Variants in ZMAT4 observed in about 807,000 individuals in gnomAD.
The protein encoded by ZMAT4 is zinc finger matrin-type 4.
In ZMAT4, 17 loss-of-function variants were observed where a neutral mutation model predicts 28.7. That is an observed-to-expected ratio of 0.59 (90% CI 0.41 to 0.89). ZMAT4 has a LOEUF of 0.89. ZMAT4 is among the 40% of genes least tolerant of loss of function. The pLI, the probability that ZMAT4 is intolerant of heterozygous loss-of-function variation, is 0.00. For synonymous variants in ZMAT4, 117 were observed against 109.2 expected (o/e 1.07, Z -0.44); for missense variants, 240 against 283.8 (o/e 0.85, Z 1.11).
intron 3 of ZMAT4, among the ~76,000 whole-genome samples, chr8:40,765,159 C>T (rs550269491): frequency 8.0e-4 from 122 of 152,216 alleles, no homozygotes; most frequent in African/African-American, 2.7e-3. Flanking sequence ...TCCCTGGCCC[C>T]GGACCCAGCA....
chr8:40,781,717 C>T (rs1314870098), intron 2 of ZMAT4, among the ~76,000 whole-genome samples: 1 of 138,782 alleles, frequency 7.2e-6, no homozygotes, highest in African/African-American at 2.6e-5. Flanking sequence ...AGCCGAGATC[C>T]CGCCACTGCA....
intron 1 of ZMAT4, among the ~76,000 whole-genome samples, chr8:40,864,487 A>AGCTGC (rs1442270964): frequency 6.6e-6 from 1 of 152,204 alleles, no homozygotes; most frequent in African/African-American, 2.4e-5. Context: ...GTAGGTGGGA[A>AGCTGC]AAGATGATTC....
chr8:40,617,133 TA>T (rs2118678745), intron 5 of ZMAT4, among the ~76,000 whole-genome samples: 1 of 152,204 alleles, frequency 6.6e-6, no homozygotes, highest in Admixed American at 6.5e-5. Context: ...ACAAGGGTCT[TA>T]AAGTAAAGTA....
chr8:40,813,147 A>C (rs1205483630), intron 2 of ZMAT4, among the ~76,000 whole-genome samples: 1 of 152,006 alleles, frequency 6.6e-6, no homozygotes, highest in Non-Finnish European at 1.5e-5. Context: ...CCTTCTTGTA[A>C]ATCTAAAACT....
chr8:40,577,776 G>T (rs918048298), intron 6 of ZMAT4, among the ~76,000 whole-genome samples: 5 of 151,604 alleles, frequency 3.3e-5, no homozygotes, highest in Admixed American at 2.0e-4. Flanking sequence ...AACAATAATA[G>T]ATTTTAATTA....
At chr8:40,541,571 C>A (rs951036613) in intron 6 of ZMAT4, among the ~76,000 whole-genome samples, 31 of 152,302 alleles carry the variant, frequency 2.0e-4, no homozygotes, top group Non-Finnish European at 4.4e-4. Context: ...TGGCCAGTGG[C>A]TACTGTGTTA....
At chr8:40,669,951 C>A (rs1446244976) in intron 5 of ZMAT4, among the ~76,000 whole-genome samples, 1 of 152,074 alleles carries the variant, frequency 6.6e-6, no homozygotes, top group Non-Finnish European at 1.5e-5. Context: ...TTGGAAGACT[C>A]GATACTTTGA....
In ZMAT4 at chr8:40,535,827, A is replaced by ACCCCTGTTTTT. The variant is rs1375753892; in HGVS notation, c.675-3590_675-3589insAAAAACAGGGG. 1.1e-4 allele frequency among the ~76,000 whole-genome samples: 16 copies of ACCCCTGTTTTT among 152,316 alleles called. No homozygotes were observed. In the East Asian group the frequency reaches 3.1e-3, roughly 29 times the overall value. ...TCCCACACTGAATGTAAACTGTTCA[A>ACCCCTGTTTTT]TAAGCCAGTGAAAAAACAGAGCAGA... On this transcript the variant is annotated intron_variant, in intron 6 of 6. Coordinates refer to ENST00000297737, the MANE Select transcript of ZMAT4 (RefSeq NM_024645.3).
At chr8:40,767,568 A>G (rs1813214859) in intron 3 of ZMAT4, 73 bp downstream of exon 3, 1 of 1,315,148 alleles carries the variant, frequency 7.6e-7, no homozygotes, top group African/African-American at 1.5e-5. Flanking sequence ...CTAGACTACA[A>G]TTCCTACACC....
At chr8:40,783,947 G>A (rs755059066) in intron 2 of ZMAT4, among the ~76,000 whole-genome samples, 2 of 152,136 alleles carry the variant, frequency 1.3e-5, no homozygotes, top group Non-Finnish European at 2.9e-5. Context: ...TAAGGCGGAG[G>A]TTGCAGTGAG....
At chr8:40,623,667 A>T (rs1289834043) in intron 5 of ZMAT4, among the ~76,000 whole-genome samples, 1 of 152,192 alleles carries the variant, frequency 6.6e-6, no homozygotes, top group East Asian at 1.9e-4. Context: ...TCCAGCAACA[A>T]CCAGAGGGTG....
rs576864407 is a variant in ZMAT4 at position 40,829,840 on chromosome 8, T to A, written c.-4-4160A>T. ...AAATGAGTTCCAACTCAGAAGCTAA[T>A]TCTTTTCCCTGGCACAGAGAAAAAT... On this transcript the variant is annotated intron_variant, in intron 1 of 6. Transcript: ENST00000297737. 3.9e-4 allele frequency among the ~76,000 whole-genome samples: 59 copies of A among 152,264 alleles called. 1 individual carries two copies. The South Asian group carries it at 0.012, about 32-fold the overall frequency.
intron 3 of ZMAT4, among the ~76,000 whole-genome samples, chr8:40,746,757 C>T (rs1812255040): frequency 6.6e-6 from 1 of 152,192 alleles, no homozygotes; most frequent in Non-Finnish European, 1.5e-5. Context: ...GGTCTGGCTC[C>T]TACCATATTG....
At chr8:40,876,256 A>G (rs1224687598) in intron 1 of ZMAT4, among the ~76,000 whole-genome samples, 3 of 152,186 alleles carry the variant, frequency 2.0e-5, no homozygotes, top group Non-Finnish European at 4.4e-5. Context: ...GAAGACCTTT[A>G]TGATAATCCC....
intron 4 of ZMAT4, among the ~76,000 whole-genome samples, chr8:40,688,139 A>C (rs570685242): frequency 1.2e-4 from 19 of 152,272 alleles, no homozygotes; most frequent in South Asian, 2.1e-4. Context: ...CTGAGCAACA[A>C]CACCACCACC....
chr8:40,601,413 G>GAAGA lies in ZMAT4; in HGVS notation c.578-20153_578-20152insTCTT, dbSNP rs1266735961. ...GGAAGGAAGGAGGAAAGAAAGGAAG[G>GAAGA]AAGGAAGGAAGGAAGGAAGGAAGGA... On this transcript the variant is annotated intron_variant, in intron 5 of 6. Transcript: ENST00000297737. Among the ~76,000 whole-genome samples, 12 of 78,090 alleles carry GAAGA rather than the reference G, an allele frequency of 1.5e-4. 2 individuals carry two copies. In the South Asian group the frequency reaches 5.0e-3, roughly 32 times the overall value. 51.2% of individuals were successfully genotyped at this position (78,090 alleles called of 152,430 possible). A position where few individuals can be genotyped will look rare whatever the true frequency, so the allele number is the denominator to read the frequency against.
intron 3 of ZMAT4, among the ~76,000 whole-genome samples, chr8:40,759,077 T>C (rs1332418906): frequency 6.6e-6 from 1 of 151,196 alleles, no homozygotes; most frequent in Non-Finnish European, 1.5e-5. Context: ...AGGTCAGGAG[T>C]TCGAGACCAG....
intron 2 of ZMAT4, among the ~76,000 whole-genome samples, chr8:40,777,889 C>T (rs541416132): frequency 1.3e-5 from 2 of 152,292 alleles, no homozygotes; most frequent in Non-Finnish European, 2.9e-5. Context: ...TATCTTTTTA[C>T]CCTATTACTT....
intron 5 of ZMAT4, among the ~76,000 whole-genome samples, chr8:40,647,836 G>A (rs1195292142): frequency 1.3e-5 from 2 of 152,076 alleles, no homozygotes; most frequent in African/African-American, 4.8e-5. Flanking sequence ...CACACGCAGG[G>A]TATTCCAACA....
Sources: allele counts gnomAD v4.1 joint callset (sites outside exome capture counted in the v4.1 genomes callset), GRCh38; gene constraint gnomAD v4.1.1; transcripts MANE v1.5; gene names NCBI Gene and HGNC (gene_info 2026-07-23, HGNC 2026-07-21).